CDKAL1: variants seen among roughly 807,000 people sequenced by gnomAD.
CDKAL1 encodes threonylcarbamoyladenosine tRNA methylthiotransferase.
In CDKAL1, 32 loss-of-function variants were observed where a neutral mutation model predicts 68.2. The ratio of observed to expected loss-of-function variants is 0.47; its 90% confidence interval spans 0.35 to 0.63. The LOEUF is 0.63. CDKAL1 is among the 30% of genes least tolerant of loss of function. The probability of loss-of-function intolerance (pLI) is 0.00; values close to 1 mark genes in which losing one functional copy is unlikely to be tolerated. For synonymous variants in CDKAL1, 234 were observed against 244.3 expected, an observed-to-expected ratio of 0.96 and a Z score of 0.39; for missense variants, 606 against 696.7, an observed-to-expected ratio of 0.87 and a Z score of 1.47.
chr6:20,546,680 A>C (rs6908974), intron 3 of CDKAL1, among the ~76,000 whole-genome samples, 157 bp downstream of exon 3: 3,424 of 151,858 alleles, frequency 0.023, 135 homozygotes, highest in African/African-American at 0.077. Context: ...CTGCCTCCCT[A>C]GTAGCTGTGA....
chr6:20,552,346 C>G (rs1401576114), intron 4 of CDKAL1, among the ~76,000 whole-genome samples: 2 of 125,142 alleles, frequency 1.6e-5, no homozygotes, highest in South Asian at 2.6e-4. Context: ...GATCCTATCT[C>G]AAAAAAAAAA....
intron 5 of CDKAL1, among the ~76,000 whole-genome samples, chr6:20,712,329 G>C (rs1771884078): frequency 1.3e-5 from 2 of 152,120 alleles, no homozygotes; most frequent in African/African-American, 2.4e-5. Flanking sequence ...TGACAGCTTA[G>C]TTATCACCTA....
chr6:20,807,571 C>T (rs1776627417), intron 8 of CDKAL1, among the ~76,000 whole-genome samples: 1 of 152,262 alleles, frequency 6.6e-6, no homozygotes, highest in Admixed American at 6.5e-5. Context: ...TTTCTGAACA[C>T]TAAATGGCTT....
chr6:21,065,080 T>C lies in CDKAL1; in HGVS notation c.1088T>C (p.Ile363Thr). Reference protein sequence around the residue: ...VPGITIATDIICGFPGETDQD... With the variant: ...VPGITIATDITCGFPGETDQD... ...GGAATAACTATTGCTACAGATATTA[T>C]CTGTGGTTTTCCTGGAGAAACAGAT... The change falls in exon 12 of 16, where the codon ATC becomes ACC. Residue 363 changes from isoleucine to threonine, a missense_variant. Physicochemically the swap from Ile to Thr is moderately conservative, Grantham distance 89 (BLOSUM62 -1). Transcript: ENST00000274695. 1.3e-6 allele frequency: 2 copies of C among 1,598,880 alleles called. No individual in the cohort carries two copies. The highest frequency in any genetic ancestry group is 1.7e-4 in the Middle Eastern group (1 of 6,034).
chr6:20,902,780 C>T (rs1168739169), intron 9 of CDKAL1, among the ~76,000 whole-genome samples: 2 of 152,082 alleles, frequency 1.3e-5, no homozygotes, highest in Non-Finnish European at 2.9e-5. Context: ...TTCCAAAAGG[C>T]AATAACAGAA....
chr6:20,738,560 T>C (rs986416161), intron 5 of CDKAL1, among the ~76,000 whole-genome samples: 3 of 149,614 alleles, frequency 2.0e-5, no homozygotes, highest in East Asian at 2.0e-4. Flanking sequence ...GCCATCATCA[T>C]TGGTGGTGCT....
chr6:20,546,414 T>C lies in CDKAL1; in HGVS notation c.64T>C (p.Ser22Pro). 1 of 1,614,066 alleles carries C rather than the reference T, an allele frequency of 6.2e-7. No homozygotes were observed. The highest frequency in any genetic ancestry group is 2.2e-5 in the East Asian group (1 of 44,874). ...CGAAGATATCGTGTCTCAGGAAGAT[T>C]CAAAACCACAAGATAGGCATTTTGT... ...DIEDIVSQED[S>P]KPQDRHFVRK... The change falls in exon 3 of 16, where the codon TCA (serine) becomes CCA (proline). Residue 22 changes from serine (S) to proline (P), a missense_variant. By Grantham distance (74) the Ser-to-Pro change is moderately conservative (BLOSUM62 -1). Transcript: ENST00000274695.
chr6:20,912,616 T>C (rs1762516167), intron 9 of CDKAL1, among the ~76,000 whole-genome samples: 1 of 152,184 alleles, frequency 6.6e-6, no homozygotes, highest in Admixed American at 6.5e-5. Context: ...GTTCAAATAG[T>C]GGAACCTGAG....
intron 6 of CDKAL1, among the ~76,000 whole-genome samples, chr6:20,744,553 GGAGAATCTAGT>G (rs1773587157): frequency 6.6e-6 from 1 of 152,104 alleles, no homozygotes; most frequent in Non-Finnish European, 1.5e-5. Flanking sequence ...CCAGCTTCCT[GGAGAATCTAGT>G]GAGATGGGTC....
intron 5 of CDKAL1, among the ~76,000 whole-genome samples, chr6:20,684,850 T>G (rs76874333): frequency 0.015 from 2,285 of 152,334 alleles, 50 homozygotes; most frequent in African/African-American, 0.052. Flanking sequence ...TTTACCCCAT[T>G]TTTTAATCAG....
chr6:21,039,053 A>G (rs9350314), intron 11 of CDKAL1, among the ~76,000 whole-genome samples: 4,350 of 152,076 alleles, frequency 0.029, 286 homozygotes, highest in East Asian at 0.28. Context: ...GGGGTCCCCA[A>G]CCCCCAGGAC....
At chr6:21,104,564 A>G (rs1460702079) in intron 12 of CDKAL1, among the ~76,000 whole-genome samples, 3 of 152,022 alleles carry the variant, frequency 2.0e-5, no homozygotes, top group South Asian at 2.1e-4. Context: ...CTATGGGGCC[A>G]TAGTTTGCCA....
intron 11 of CDKAL1, among the ~76,000 whole-genome samples, chr6:21,052,303 T>A (rs1278074256): frequency 3.3e-5 from 5 of 152,168 alleles, no homozygotes; most frequent in African/African-American, 1.2e-4. Context: ...GCTCTGAACG[T>A]AATTCCTTTA....
Position 21,108,379 on chromosome 6 carries a change from T to G in CDKAL1, c.1237-22T>G, listed in dbSNP as rs777128126. On this transcript the variant is annotated intron_variant, in intron 12 of 15. Transcript: ENST00000274695. Reference sequence around the variant, plus strand: ...CAATTGTTTGTATGTTGGTTTTTTGTTTTTTTTGTTTTTTTTCACAGAAAA... The same window carrying G: ...CAATTGTTTGTATGTTGGTTTTTTGGTTTTTTTGTTTTTTTTCACAGAAAA... 1.6e-5 allele frequency: 25 copies of G among 1,571,682 alleles called. No individual in the cohort carries two copies. The Admixed American group carries it at 2.3e-4, about 14-fold the overall frequency.
intron 6 of CDKAL1, among the ~76,000 whole-genome samples, chr6:20,750,976 A>AGG: frequency 6.7e-6 from 1 of 149,958 alleles, no homozygotes; most frequent in Non-Finnish European, 1.5e-5. Context: ...AAAAAAAAAA[A>AGG]AAAAAAAAAG....
At chr6:21,137,643 T>C (rs889442591) in intron 13 of CDKAL1, among the ~76,000 whole-genome samples, 2 of 152,226 alleles carry the variant, frequency 1.3e-5, no homozygotes, top group Admixed American at 6.5e-5. Flanking sequence ...TAGGTTTCTA[T>C]ATTAACGAGT....
intron 8 of CDKAL1, among the ~76,000 whole-genome samples, chr6:20,782,546 T>A (rs1775476947): frequency 6.6e-6 from 1 of 152,218 alleles, no homozygotes; most frequent in African/African-American, 2.4e-5. Flanking sequence ...CTCCTGATTA[T>A]CCTATTTAAA....
chr6:20,964,267 T>G (rs375472223), intron 10 of CDKAL1, among the ~76,000 whole-genome samples: 1 of 152,228 alleles, frequency 6.6e-6, no homozygotes, highest in African/African-American at 2.4e-5. Context: ...CTCAAAGACC[T>G]GAAGACAGAA....
chr6:20,580,895 T>G (rs1017067549), intron 4 of CDKAL1, among the ~76,000 whole-genome samples: 2 of 152,100 alleles, frequency 1.3e-5, no homozygotes, highest in African/African-American at 4.8e-5. Flanking sequence ...GTTCAAGCGA[T>G]TCTCCTGCCT....
Sources: allele counts gnomAD v4.1 joint callset (sites outside exome capture counted in the v4.1 genomes callset), GRCh38; gene constraint gnomAD v4.1.1; transcripts MANE v1.5; gene names NCBI Gene and HGNC (gene_info 2026-07-23, HGNC 2026-07-21).